Variants in ATG5 observed in about 807,000 individuals in gnomAD.
The protein encoded by ATG5 is autophagy related 5.
Under a neutral mutation model 36.5 loss-of-function variants are expected in ATG5, and 14 were observed. The ratio of observed to expected loss-of-function variants is 0.38; its 90% confidence interval spans 0.25 to 0.60. The LOEUF (loss-of-function observed/expected upper bound fraction) is 0.60. Ranked by LOEUF, ATG5 falls within the 20% of genes least tolerant of loss-of-function variation. The pLI is 0.60. For missense variants in ATG5, 195 were observed against 326.7 expected, an observed-to-expected ratio of 0.60 and a Z score of 3.11; for synonymous variants, 95 against 101.5, an observed-to-expected ratio of 0.94 and a Z score of 0.38.
chr6:106,194,123 G>A (rs563453015), intron 7 of ATG5, among the ~76,000 whole-genome samples: 2 of 152,252 alleles, frequency 1.3e-5, no homozygotes, highest in South Asian at 4.2e-4. Context: ...ATAGCGTGAA[G>A]GTACAGAGAT....
At chr6:106,320,879 G>A (rs1771040730) in intron 1 of ATG5, among the ~76,000 whole-genome samples, 1 of 152,196 alleles carries the variant, frequency 6.6e-6, no homozygotes, top group South Asian at 2.1e-4. Flanking sequence ...GGAGAGCCTT[G>A]AGTCAGAGAG....
intron 4 of ATG5, among the ~76,000 whole-genome samples, chr6:106,287,100 A>T (rs564512012): frequency 1.3e-5 from 2 of 152,324 alleles, no homozygotes; most frequent in East Asian, 3.9e-4. Context: ...AACAGCTACC[A>T]ACATTTATAG....
intron 4 of ATG5, among the ~76,000 whole-genome samples, chr6:106,290,795 G>A (rs1780274239): frequency 6.6e-6 from 1 of 152,148 alleles, no homozygotes; most frequent in African/African-American, 2.4e-5. Flanking sequence ...CATTCCAAAT[G>A]TTGACCCTTT....
At chr6:106,263,293 T>C (rs977040421) in intron 5 of ATG5, among the ~76,000 whole-genome samples, 4 of 152,190 alleles carry the variant, frequency 2.6e-5, no homozygotes, top group African/African-American at 7.2e-5. Flanking sequence ...CTTCTCTAGA[T>C]TCCTCCTCAT....
At chr6:106,293,443 G>A (rs1212814194) in intron 3 of ATG5, among the ~76,000 whole-genome samples, 2 of 152,202 alleles carry the variant, frequency 1.3e-5, no homozygotes, top group African/African-American at 4.8e-5. Context: ...GTTGATTTTT[G>A]TAAATTTATT....
At chr6:106,248,069 A>T in intron 6 of ATG5, 81 bp downstream of exon 6, 1 of 1,096,182 alleles carries the variant, frequency 9.1e-7, no homozygotes, top group East Asian at 2.4e-5. Flanking sequence ...CTATGCAGAC[A>T]AAGAGTTCTA....
intron 6 of ATG5, among the ~76,000 whole-genome samples, chr6:106,244,127 C>T (rs955385911): frequency 6.6e-5 from 10 of 151,576 alleles, no homozygotes; most frequent in Admixed American, 5.9e-4. Context: ...TATGTTGTAT[C>T]CAGGCTGGTC....
chr6:106,189,534 T>C (rs546588510), intron 7 of ATG5, among the ~76,000 whole-genome samples: 16 of 152,082 alleles, frequency 1.1e-4, no homozygotes, highest in South Asian at 6.2e-4. Flanking sequence ...GGTGGGAGGA[T>C]TGCCTGAGCC....
intron 6 of ATG5, among the ~76,000 whole-genome samples, chr6:106,243,419 T>C (rs1778201027): frequency 6.6e-6 from 1 of 152,002 alleles, no homozygotes; most frequent in Non-Finnish European, 1.5e-5. Context: ...TCCTGGTTAC[T>C]TGGAAGGCTG....
chr6:106,286,008 A>G (rs1031953264), intron 4 of ATG5, among the ~76,000 whole-genome samples: 1 of 151,288 alleles, frequency 6.6e-6, no homozygotes, highest in African/African-American at 2.5e-5. Context: ...CTGGAATCCA[A>G]CATTTCCCAG....
intron 5 of ATG5, among the ~76,000 whole-genome samples, chr6:106,279,073 A>T (rs1779774054): frequency 6.6e-6 from 1 of 152,254 alleles, no homozygotes; most frequent in Non-Finnish European, 1.5e-5. Context: ...GACTATCTGT[A>T]CATAAAATAA....
In ATG5 at chr6:106,262,993, G is replaced by A. The variant is rs553728582; in HGVS notation, c.479-14749C>T. Reference sequence around the variant, plus strand: ...TGGCGCCTGGAACCCCAGAGAGACAGAACCATTCATTCCCCTGGAAAGGGT... The same window carrying A: ...TGGCGCCTGGAACCCCAGAGAGACAAAACCATTCATTCCCCTGGAAAGGGT... On this transcript the variant is annotated intron_variant, in intron 5 of 7. Coordinates refer to ENST00000369076, the MANE Select transcript of ATG5 (RefSeq NM_004849.4). 2.0e-5 allele frequency among the ~76,000 whole-genome samples: 3 copies of A among 152,314 alleles called. No homozygotes were observed. The East Asian group carries it at 5.8e-4, about 29-fold the overall frequency.
At chr6:106,189,156 A>T (rs940727671) in intron 7 of ATG5, among the ~76,000 whole-genome samples, 1 of 152,222 alleles carries the variant, frequency 6.6e-6, no homozygotes, top group African/African-American at 2.4e-5. Flanking sequence ...TAGCCCTACC[A>T]TGGAGAATAA....
At chr6:106,293,395 G>A (rs1376651627) in intron 3 of ATG5, among the ~76,000 whole-genome samples, 1 of 152,180 alleles carries the variant, frequency 6.6e-6, no homozygotes, top group South Asian at 2.1e-4. Context: ...TCACAGTACT[G>A]TTGCATCTAA....
At chr6:106,203,851 T>C (rs1776528670) in intron 6 of ATG5, among the ~76,000 whole-genome samples, 2 of 152,194 alleles carry the variant, frequency 1.3e-5, no homozygotes. Flanking sequence ...GACAAGGTTT[T>C]GTTTTTGTCT....
chr6:106,262,180 C>CTCCT (rs779790807), intron 5 of ATG5, among the ~76,000 whole-genome samples: 12 of 152,324 alleles, frequency 7.9e-5, no homozygotes, highest in Non-Finnish European at 1.6e-4. Context: ...TCAAGTGATT[C>CTCCT]TCCTGCCTCA....
At chr6:106,221,060 T>C (rs189421832) in intron 6 of ATG5, among the ~76,000 whole-genome samples, 36 of 152,342 alleles carry the variant, frequency 2.4e-4, no homozygotes, top group African/African-American at 8.2e-4. Flanking sequence ...CTAAAGCCCA[T>C]GTCAACCAAT....
chr6:106,310,224 T>C (rs1770598883), intron 2 of ATG5, among the ~76,000 whole-genome samples: 1 of 152,124 alleles, frequency 6.6e-6, no homozygotes, highest in African/African-American at 2.4e-5. Context: ...AATGGTTAAG[T>C]GAGGCAGAGC....
chr6:106,283,754 G>C (rs1779972423), intron 4 of ATG5: 1 of 152,182 alleles, frequency 6.6e-6, no homozygotes, highest in Non-Finnish European at 1.5e-5. Flanking sequence ...GAAACGATCT[G>C]TGCAGGGTGT....
Sources: gnomAD v4.1 joint callset for allele counts (sites outside exome capture counted in the v4.1 genomes callset) on GRCh38, gnomAD v4.1.1 for gene constraint, MANE v1.5 for transcripts, NCBI Gene and HGNC (gene_info 2026-07-23, HGNC 2026-07-21) for gene names.